IPCEF1: variants seen among roughly 807,000 people sequenced by gnomAD.
The protein encoded by IPCEF1 is interactor protein for cytohesin exchange factors 1.
Under a neutral mutation model 50.9 loss-of-function variants are expected in IPCEF1, and 31 were observed. That is an observed-to-expected ratio of 0.61 (90% CI 0.46 to 0.82). The LOEUF (loss-of-function observed/expected upper bound fraction) is 0.82, where lower values mean the gene tolerates loss of function less well. Ranked by LOEUF, IPCEF1 falls within the 40% of genes least tolerant of loss-of-function variation. The pLI, the probability that IPCEF1 is intolerant of heterozygous loss-of-function variation, is 0.00. For missense variants in IPCEF1, 458 were observed against 514.0 expected (o/e 0.89, Z 1.05); for synonymous variants, 181 against 192.0 (o/e 0.94, Z 0.47).
intron 9 of IPCEF1, among the ~76,000 whole-genome samples, chr6:154,205,803 T>C (rs984669655): frequency 6.6e-6 from 1 of 152,108 alleles, no homozygotes; most frequent in African/African-American, 2.4e-5. Context: ...TAAAATCAAA[T>C]GCTATCATAT....
Position 154,179,806 on chromosome 6 carries a change from C to T in IPCEF1, c.911-11693G>A, listed in dbSNP as rs139984346. On this transcript the variant is annotated intron_variant, in intron 10 of 11. Transcript: ENST00000367220. The stretch of plus-strand genomic sequence containing the variant: ...TAAGAATAAAAGTTCACTTTCACAC[C>T]GTGCAGAATCATGCCCTTCTAGACC... Among the ~76,000 whole-genome samples the T allele has an allele frequency of 6.2e-4, 95 of 152,252 alleles. 2 individuals are homozygous for T. In the East Asian group the frequency reaches 0.011, roughly 18 times the overall value.
intron 1 of IPCEF1, among the ~76,000 whole-genome samples, chr6:154,298,780 G>A (rs1398026390): frequency 3.3e-5 from 5 of 151,982 alleles, no homozygotes; most frequent in Admixed American, 6.6e-5. Flanking sequence ...CCTGATCAAC[G>A]TGGTGAAACC....
At chr6:154,318,066 T>C (rs942018618) in intron 1 of IPCEF1, among the ~76,000 whole-genome samples, 11 of 152,174 alleles carry the variant, frequency 7.2e-5, no homozygotes, top group Admixed American at 2.0e-4. Context: ...CACATTATGC[T>C]GAACAAAAGA....
At chr6:154,207,444 A>C (rs1777593265) in intron 9 of IPCEF1, among the ~76,000 whole-genome samples, 1 of 152,258 alleles carries the variant, frequency 6.6e-6, no homozygotes, top group Non-Finnish European at 1.5e-5. Context: ...CATTTAGTAC[A>C]GATATTGAAT....
chr6:154,154,542 G>A lies in IPCEF1; in HGVS notation c.*5286C>T, dbSNP rs550180744. ...TTATTTAAAAATAAAAACAAGTCTAGAAGCGATTTTGATGACTGCCACCAG... is the reference window on the plus strand; with the variant it reads ...TTATTTAAAAATAAAAACAAGTCTAAAAGCGATTTTGATGACTGCCACCAG... On this transcript the variant is annotated 3_prime_UTR_variant, in exon 12 of 12. Transcript: ENST00000367220. 1 of 152,202 alleles carries A rather than the reference G, an allele frequency of 6.6e-6. No homozygotes were observed. Among genetic ancestry groups the A allele is most frequent in the Non-Finnish European group, 1.5e-5 (1 of 68,010 alleles). 9.4% of individuals were successfully genotyped at this position (152,202 alleles called of 1,614,324 possible).
chr6:154,342,738 G>A (rs1208801634), intron 1 of IPCEF1, among the ~76,000 whole-genome samples: 1 of 152,080 alleles, frequency 6.6e-6, no homozygotes, highest in Non-Finnish European at 1.5e-5. Flanking sequence ...CTAGGATTAC[G>A]GGCATGAGCC....
intron 2 of IPCEF1, among the ~76,000 whole-genome samples, chr6:154,266,271 G>C (rs1021536631): frequency 1.4e-4 from 21 of 151,920 alleles, no homozygotes; most frequent in African/African-American, 4.6e-4. Flanking sequence ...TGTAATCCCA[G>C]CTGCTCAGGA....
intron 10 of IPCEF1, among the ~76,000 whole-genome samples, chr6:154,169,948 C>G (rs967794716): frequency 6.6e-6 from 1 of 152,090 alleles, no homozygotes; most frequent in African/African-American, 2.4e-5. Context: ...GGAAGTATCC[C>G]AAGAATAATG....
intron 2 of IPCEF1, among the ~76,000 whole-genome samples, chr6:154,267,839 G>A (rs1050796723): frequency 4.6e-5 from 7 of 152,272 alleles, no homozygotes; most frequent in African/African-American, 1.7e-4. Flanking sequence ...GTCTCTGCAG[G>A]TCCTGAAGCT....
chr6:154,301,511 G>A (rs1782794595), intron 1 of IPCEF1, among the ~76,000 whole-genome samples: 1 of 152,200 alleles, frequency 6.6e-6, no homozygotes, highest in African/African-American at 2.4e-5. Flanking sequence ...AGAACAGGCT[G>A]CATTCTTATT....
chr6:154,337,708 G>A (rs1783817644), intron 1 of IPCEF1, among the ~76,000 whole-genome samples: 1 of 152,188 alleles, frequency 6.6e-6, no homozygotes, highest in South Asian at 2.1e-4. Flanking sequence ...GAAGAAAAGT[G>A]TTAAGAAACA....
chr6:154,279,307 G>T (rs1262594872), intron 2 of IPCEF1, among the ~76,000 whole-genome samples: 2 of 152,096 alleles, frequency 1.3e-5, no homozygotes, highest in East Asian at 1.9e-4. Flanking sequence ...CTTCAATGAA[G>T]AAATCAATTT....
chr6:154,285,839 T>C (rs925587391), intron 2 of IPCEF1, among the ~76,000 whole-genome samples: 1 of 152,202 alleles, frequency 6.6e-6, no homozygotes, highest in African/African-American at 2.4e-5. Context: ...CCCCACACGT[T>C]TCTGTACTGG....
chr6:154,323,693 C>T (rs987050136), intron 1 of IPCEF1, among the ~76,000 whole-genome samples: 3 of 152,218 alleles, frequency 2.0e-5, no homozygotes, highest in African/African-American at 7.2e-5. Context: ...TGGCTCACAC[C>T]TGTAATCCCA....
At chr6:154,182,568 T>C (rs1398150201) in intron 10 of IPCEF1, among the ~76,000 whole-genome samples, 1 of 152,218 alleles carries the variant, frequency 6.6e-6, no homozygotes, top group Non-Finnish European at 1.5e-5. Context: ...AATTACTATG[T>C]TTCCTCATAT....
At chr6:154,316,911 T>A (rs1410418715) in intron 1 of IPCEF1, among the ~76,000 whole-genome samples, 4 of 152,148 alleles carry the variant, frequency 2.6e-5, no homozygotes, top group Non-Finnish European at 5.9e-5. Context: ...TTAATTGGAA[T>A]AATAATAATA....
At chr6:154,346,444 A>G (rs1177408430) in intron 1 of IPCEF1, among the ~76,000 whole-genome samples, 1 of 152,134 alleles carries the variant, frequency 6.6e-6, no homozygotes, top group Non-Finnish European at 1.5e-5. Flanking sequence ...CCTTTTTTCT[A>G]AATTGGCATA....
intron 1 of IPCEF1, among the ~76,000 whole-genome samples, chr6:154,339,783 A>G (rs1783868300): frequency 6.6e-6 from 1 of 151,818 alleles, no homozygotes; most frequent in South Asian, 2.1e-4. Context: ...TTTTGTAGAG[A>G]TGGGGTCTCA....
chr6:154,216,379 T>C (rs1778393400), intron 7 of IPCEF1, among the ~76,000 whole-genome samples: 1 of 152,106 alleles, frequency 6.6e-6, no homozygotes. Flanking sequence ...TCTGTAATTG[T>C]GCCTTTGAAA....
Sources: allele counts gnomAD v4.1 joint callset (sites outside exome capture counted in the v4.1 genomes callset), GRCh38; gene constraint gnomAD v4.1.1; transcripts MANE v1.5; gene names NCBI Gene and HGNC (gene_info 2026-07-23, HGNC 2026-07-21).